MYO3B: variants seen among roughly 807,000 people sequenced by gnomAD.
MYO3B encodes the protein myosin IIIB.
Under a neutral mutation model 174.6 loss-of-function variants are expected in MYO3B, and 156 were observed. The ratio of observed to expected loss-of-function variants is 0.89; its 90% CI spans 0.78 to 1.02. MYO3B has a LOEUF of 1.02. Among genes scored for constraint, MYO3B ranks in the 50% least tolerant of loss-of-function variants. The pLI is 0.00. For missense variants in MYO3B, 1,632 were observed against 1,639.4 expected, an observed-to-expected ratio of 1.00 and a Z score of 0.08; for synonymous variants, 563 against 569.1, an observed-to-expected ratio of 0.99 and a Z score of 0.15.
At chr2:170,369,503 C>G in intron 9 of MYO3B, 126 bp downstream of exon 9, 1 of 1,097,880 alleles carries the variant, frequency 9.1e-7, no homozygotes, top group Non-Finnish European at 1.3e-6. Context: ...GTTTTATTTA[C>G]ATGACATTAA....
chr2:170,573,377 A>T (rs1287683391), intron 32 of MYO3B, among the ~76,000 whole-genome samples: 1 of 152,052 alleles, frequency 6.6e-6, no homozygotes, highest in African/African-American at 2.4e-5. Flanking sequence ...TACCTGTGTG[A>T]TTAATTAAAA....
chr2:170,558,610 CTTG>C (rs1366091185), intron 32 of MYO3B, among the ~76,000 whole-genome samples: 3 of 152,132 alleles, frequency 2.0e-5, no homozygotes, highest in Non-Finnish European at 4.4e-5. Flanking sequence ...TAAAGATTCA[CTTG>C]TATATTTTCG....
At chr2:170,567,686 C>T (rs73029087) in intron 32 of MYO3B, among the ~76,000 whole-genome samples, 5,761 of 152,096 alleles carry the variant, frequency 0.038, 342 homozygotes, top group African/African-American at 0.13. Flanking sequence ...GGCAGAAAGT[C>T]CAGTGCAAAA....
At position 170,327,303 on chromosome 2, in the gene MYO3B, T is replaced by C. The variant is rs199733484; in HGVS notation, c.750-8082T>C. On this transcript the variant is annotated intron_variant, in intron 7 of 34. Transcript: ENST00000408978. The stretch of plus-strand genomic sequence containing the variant: ...GGGAGGCTGAGGCAGGAGAATCGCT[T>C]GAACCCAGGAGATGGAGATTGAAGT... Among the ~76,000 whole-genome samples, 3 of 152,232 alleles carry C rather than the reference T, an allele frequency of 2.0e-5. No individual in the cohort carries two copies. The East Asian group carries it at 5.8e-4, about 29-fold the overall frequency.
Position 170,499,808 on chromosome 2 carries a change from G to C in MYO3B, c.3289G>C (p.Ala1097Pro), listed in dbSNP as rs1264836171. 6.2e-7 allele frequency: 1 copy of C among 1,613,540 alleles called. No individual in the cohort carries two copies. The change falls in exon 27 of 35, where the codon GCC (alanine) becomes CCC (proline). Residue 1097 changes from alanine to proline, a missense_variant and splice_region_variant. Ala to Pro is a conservative substitution (Grantham distance 27). Transcript: ENST00000408978. ...REKGAIAIQS[A>P]WRGYDARRKF... is the part of the protein sequence containing the mutation. ...GAAGGGAGCCATTGCCATCCAGTCA[G>C]GTAAATGGTCCTGTTCTCATAAATA...
Position 170,641,933 on chromosome 2 carries a change from A to G in MYO3B, c.3734-9695A>G, listed in dbSNP as rs969503766. Among the ~76,000 whole-genome samples the G allele has an allele frequency of 3.3e-5, 5 of 151,956 alleles. No homozygotes were observed. In the East Asian group the frequency reaches 9.7e-4, roughly 29 times the overall value. On this transcript the variant is annotated intron_variant, in intron 32 of 34. Coordinates refer to ENST00000408978, the MANE Select transcript of MYO3B (RefSeq NM_138995.5). The stretch of plus-strand genomic sequence containing the variant: ...AATGAATTTTTTAGTTAAAAAAAAA[A>G]GAATACATATTCCTGTAAAGATATT...
intron 7 of MYO3B, among the ~76,000 whole-genome samples, chr2:170,317,728 A>G (rs2093785976): frequency 6.6e-6 from 1 of 152,172 alleles, no homozygotes; most frequent in Admixed American, 6.5e-5. Context: ...GCAGCTTACT[A>G]TAGGGTAGTG....
intron 30 of MYO3B, among the ~76,000 whole-genome samples, chr2:170,522,675 C>G (rs562689177): frequency 6.6e-6 from 1 of 152,332 alleles, no homozygotes; most frequent in Admixed American, 6.5e-5. Flanking sequence ...TCCACCTTGT[C>G]CCTAATACAC....
At chr2:170,215,336 G>A (rs2092816193) in intron 5 of MYO3B, among the ~76,000 whole-genome samples, 1 of 152,156 alleles carries the variant, frequency 6.6e-6, no homozygotes, top group African/African-American at 2.4e-5. Flanking sequence ...AAACATTAAC[G>A]GGAAATGGAA....
intron 14 of MYO3B, among the ~76,000 whole-genome samples, chr2:170,389,633 T>C (rs73018929): frequency 6.6e-6 from 1 of 152,058 alleles, no homozygotes; most frequent in Admixed American, 6.5e-5. Context: ...ACTAAAGGAA[T>C]GTAAGACTAA....
chr2:170,568,709 C>T (rs1692231448), intron 32 of MYO3B, among the ~76,000 whole-genome samples: 1 of 152,160 alleles, frequency 6.6e-6, no homozygotes, highest in African/African-American at 2.4e-5. Context: ...TTTCAATTGG[C>T]TCTTGAAATA....
In MYO3B at chr2:170,346,887, G is replaced by C. The variant is rs141875262; in HGVS notation, c.815+11437G>C. Among the ~76,000 whole-genome samples, 865 of 152,322 alleles carry C rather than the reference G, an allele frequency of 5.7e-3. 5 individuals carry two copies. The highest frequency in any genetic ancestry group is 9.9e-3 in the Non-Finnish European group (671 of 68,032). On this transcript the variant is annotated intron_variant, in intron 8 of 34. Coordinates refer to ENST00000408978, the MANE Select transcript of MYO3B (RefSeq NM_138995.5). ...GGATTCTGACACTGCATCTAGGATAGAGCATCATGATCGCTTAGTGACATT... is the reference window on the plus strand; with the variant it reads ...GGATTCTGACACTGCATCTAGGATACAGCATCATGATCGCTTAGTGACATT...
intron 7 of MYO3B, among the ~76,000 whole-genome samples, chr2:170,326,398 A>G (rs1438964221): frequency 6.6e-6 from 1 of 152,232 alleles, no homozygotes; most frequent in Non-Finnish European, 1.5e-5. Context: ...CTATATGTGA[A>G]GGACCACCTA....
At chr2:170,460,445 G>A (rs968561167) in intron 23 of MYO3B, among the ~76,000 whole-genome samples, 29 of 119,320 alleles carry the variant, frequency 2.4e-4, no homozygotes, top group African/African-American at 7.1e-4. Context: ...CTGAGATTGC[G>A]CCATTGCACT....
chr2:170,236,310 C>T (rs532141931), intron 7 of MYO3B, among the ~76,000 whole-genome samples, 174 bp downstream of exon 7: 7 of 152,214 alleles, frequency 4.6e-5, no homozygotes, highest in Admixed American at 2.0e-4. Flanking sequence ...GAGGATGTTC[C>T]TGAAAGATAA....
intron 32 of MYO3B, among the ~76,000 whole-genome samples, chr2:170,551,915 T>TC (rs60519534): frequency 0.76 from 115,963 of 151,860 alleles, 44,742 homozygotes; most frequent in African/African-American, 0.85. Context: ...GTGTAGCACT[T>TC]CCCCCTTCTC....
chr2:170,351,434 C>T (rs2094068638), intron 8 of MYO3B, among the ~76,000 whole-genome samples: 1 of 152,120 alleles, frequency 6.6e-6, no homozygotes, highest in Non-Finnish European at 1.5e-5. Context: ...CTTTTAGCCA[C>T]CTTCTGGCTG....
intron 32 of MYO3B, among the ~76,000 whole-genome samples, chr2:170,642,644 C>A (rs1009213329): frequency 2.0e-5 from 3 of 152,108 alleles, no homozygotes; most frequent in African/African-American, 7.2e-5. Context: ...GACCTAGGCC[C>A]TGGGATTTTG....
At chr2:170,520,979 G>A (rs929618756) in intron 30 of MYO3B, among the ~76,000 whole-genome samples, 5 of 152,176 alleles carry the variant, frequency 3.3e-5, no homozygotes, top group Admixed American at 2.0e-4. Context: ...CTTCCACATT[G>A]ATTATGGGGA....
Sources: allele counts gnomAD v4.1 joint callset (sites outside exome capture counted in the v4.1 genomes callset), GRCh38; gene constraint gnomAD v4.1.1; transcripts MANE v1.5; gene names NCBI Gene and HGNC (gene_info 2026-07-23, HGNC 2026-07-21).